The following SNX29 variants were observed in gnomAD, a reference collection of about 807,000 sequenced individuals.
SNX29 encodes sorting nexin-29.
In SNX29, 78 loss-of-function variants were observed where a neutral mutation model predicts 102.1. That is an observed-to-expected ratio of 0.76 (90% confidence interval 0.64 to 0.92). SNX29 has a LOEUF of 0.92. Among genes scored for constraint, SNX29 ranks in the 40% least tolerant of loss-of-function variants. SNX29 has a pLI of 0.00. For synonymous variants in SNX29, 580 were observed against 414.5 expected (o/e 1.40, Z -4.85); for missense variants, 1,280 against 1,061.7 (o/e 1.21, Z -2.86).
intron 11 of SNX29, chr16:12,087,689 C>A: frequency 2.7e-6 from 1 of 364,270 alleles, no homozygotes; most frequent in Non-Finnish European, 5.5e-6. Context: ...GGCTTTACAG[C>A]AACCCAGAAG....
In SNX29 at chr16:12,356,163, G is replaced by T; in HGVS notation, c.1783G>T (p.Val595Leu). 1 of 1,612,036 alleles carries T rather than the reference G, an allele frequency of 6.2e-7. No individual in the cohort carries two copies. Residue 595 changes from valine (V) to leucine (L), a missense_variant and splice_region_variant, in exon 16 of 21, where the codon GTG becomes TTG. By Grantham distance (32) the Val-to-Leu change is conservative. Coordinates refer to ENST00000566228, the MANE Select transcript of SNX29 (RefSeq NM_032167.5). ...ASSYERKLIE[V>L]AEMHGELIEF... The stretch of plus-strand genomic sequence containing the variant: ...TCACCTTTCCGTGCTTGTGTTCCAG[G>T]TGGCAGAGATGCATGGCGAGCTGAT...
chr16:12,119,125 T>C (rs558847103), intron 11 of SNX29, among the ~76,000 whole-genome samples: 3 of 152,286 alleles, frequency 2.0e-5, no homozygotes, highest in Admixed American at 2.0e-4. Context: ...TGTGTAAAAA[T>C]GTGACTCCTG....
At chr16:12,553,647 A>G (rs536431048) in intron 20 of SNX29, among the ~76,000 whole-genome samples, 70 of 137,598 alleles carry the variant, frequency 5.1e-4, no homozygotes, top group African/African-American at 1.7e-3. Flanking sequence ...CTGGAGTGCA[A>G]TGACGTGATC....
Position 12,078,195 on chromosome 16 carries a change from C to G in SNX29, c.1320-638C>G, listed in dbSNP as rs186734674. ...CAATAAAATCAAGTGGAAAAAAAGG[C>G]CGGGTGTGGTGGGTCATGCCTGTAA... is the stretch of plus-strand genomic sequence containing the variant. On this transcript the variant is annotated intron_variant, in intron 10 of 20. Transcript: ENST00000566228. Among the ~76,000 whole-genome samples, 305 of 145,474 alleles carry G rather than the reference C, an allele frequency of 2.1e-3. 1 individual carries two copies. The highest frequency in any genetic ancestry group is 7.5e-3 in the Admixed American group (110 of 14,758).
intron 20 of SNX29, among the ~76,000 whole-genome samples, chr16:12,547,692 G>A (rs35957798): frequency 0.26 from 39,289 of 151,936 alleles, 5,842 homozygotes; most frequent in East Asian, 0.53. Flanking sequence ...TGGCCCCCGC[G>A]TTCCTGTCTG....
At chr16:12,224,261 C>T (rs2077552425) in intron 14 of SNX29, among the ~76,000 whole-genome samples, 2 of 152,196 alleles carry the variant, frequency 1.3e-5, no homozygotes, top group Non-Finnish European at 2.9e-5. Context: ...CTCTCCTCTT[C>T]CCTTTTTCCT....
intron 19 of SNX29, among the ~76,000 whole-genome samples, chr16:12,510,734 C>T (rs2089579234): frequency 6.6e-6 from 1 of 152,100 alleles, no homozygotes; most frequent in South Asian, 2.1e-4. Flanking sequence ...TCCTCCCCCA[C>T]CCCCCAGCTG....
intron 19 of SNX29, among the ~76,000 whole-genome samples, chr16:12,501,594 T>C (rs1597629430): frequency 6.6e-6 from 1 of 151,792 alleles, no homozygotes; most frequent in Non-Finnish European, 1.5e-5. Context: ...TGGTGATGCA[T>C]GCCTGTAGTC....
chr16:12,323,136 C>A (rs1596907610), intron 15 of SNX29, among the ~76,000 whole-genome samples: 1 of 150,770 alleles, frequency 6.6e-6, no homozygotes, highest in South Asian at 2.1e-4. Context: ...ACTGGAGTCA[C>A]TGGGGACCAC....
intron 15 of SNX29, among the ~76,000 whole-genome samples, chr16:12,290,005 C>T (rs1754190192): frequency 6.6e-6 from 1 of 152,128 alleles, no homozygotes; most frequent in Non-Finnish European, 1.5e-5. Flanking sequence ...AAACGGGATA[C>T]AGCGGGAGTG....
intron 3 of SNX29, among the ~76,000 whole-genome samples, chr16:12,009,301 G>A (rs1293990157): frequency 6.6e-6 from 1 of 152,030 alleles, no homozygotes; most frequent in African/African-American, 2.4e-5. Flanking sequence ...GACCATTGCT[G>A]GATTTGGGAG....
At chr16:12,264,349 C>T (rs905950) in intron 14 of SNX29, among the ~76,000 whole-genome samples, 96,694 of 152,184 alleles carry the variant, frequency 0.64, 31,718 homozygotes, top group African/African-American at 0.78. Context: ...TAAGGGCAGG[C>T]TGCACAGTAA....
chr16:12,095,509 T>C (rs1466484812), intron 11 of SNX29, among the ~76,000 whole-genome samples: 2 of 152,168 alleles, frequency 1.3e-5, no homozygotes, highest in East Asian at 3.8e-4. Context: ...TCTTTTCTAG[T>C]TGAAAAACAT....
At chr16:12,115,657 A>G (rs2053669029) in intron 11 of SNX29, among the ~76,000 whole-genome samples, 1 of 152,232 alleles carries the variant, frequency 6.6e-6, no homozygotes, top group Non-Finnish European at 1.5e-5. Flanking sequence ...TTTGCAGTGA[A>G]GAATGGGTAG....
rs561677100 is a variant in SNX29 at position 12,569,856 on chromosome 16, G to C, written c.*1227G>C. 1 of 231,246 alleles carries C rather than the reference G, an allele frequency of 4.3e-6. No homozygotes were observed. Among genetic ancestry groups the C allele is most frequent in the African/African-American group, 2.2e-5 (1 of 45,356 alleles). 14.3% of individuals were successfully genotyped at this position (231,246 alleles called of 1,614,324 possible). A position where few individuals can be genotyped will look rare whatever the true frequency, so the allele number is the denominator to read the frequency against. On this transcript the variant is annotated 3_prime_UTR_variant, in exon 21 of 21. Transcript: ENST00000566228. ...GTAAACTAACTAGGAAGGATGTCGTGAAATGGACTATGCAAGAGTAAGTTT... is the reference window on the plus strand; with the variant it reads ...GTAAACTAACTAGGAAGGATGTCGTCAAATGGACTATGCAAGAGTAAGTTT...
intron 13 of SNX29, among the ~76,000 whole-genome samples, chr16:12,186,281 GA>G (rs536457374): frequency 1.2e-4 from 18 of 152,010 alleles, no homozygotes; most frequent in Non-Finnish European, 2.1e-4. Flanking sequence ...GAATTGCAGG[GA>G]CAAAAAAAGA....
chr16:12,220,087 T>TG (rs1194061430), intron 14 of SNX29, among the ~76,000 whole-genome samples: 1 of 152,258 alleles, frequency 6.6e-6, no homozygotes, highest in African/African-American at 2.4e-5. Flanking sequence ...TCTTGCGACC[T>TG]GCAGCCTTAT....
At chr16:12,338,007 C>T (rs114668678) in intron 15 of SNX29, among the ~76,000 whole-genome samples, 188 of 152,268 alleles carry the variant, frequency 1.2e-3, no homozygotes, top group African/African-American at 4.3e-3. Flanking sequence ...CTCTTCACAG[C>T]GACTGCCAGA....
chr16:12,119,405 A>T (rs2053880824), intron 11 of SNX29, among the ~76,000 whole-genome samples: 2 of 152,212 alleles, frequency 1.3e-5, no homozygotes, highest in Admixed American at 6.5e-5. Flanking sequence ...AAATCTGGAA[A>T]AGTTAATAAA....
Sources: allele counts gnomAD v4.1 joint callset (sites outside exome capture counted in the v4.1 genomes callset), GRCh38; gene constraint gnomAD v4.1.1; transcripts MANE v1.5; gene names NCBI Gene and HGNC (gene_info 2026-07-23, HGNC 2026-07-21).